GRID2: variants seen among roughly 807,000 people sequenced by gnomAD.
GRID2 encodes the protein glutamate receptor ionotropic, delta-2.
Under a neutral mutation model 114.8 loss-of-function variants are expected in GRID2, and 33 were observed. The observed-to-expected ratio is 0.29, with a 90% CI of 0.22 to 0.38. GRID2 has a LOEUF of 0.38. Ranked by LOEUF, GRID2 falls within the 10% of genes least tolerant of loss-of-function variation. The pLI is 1.00. For missense variants in GRID2, 1,184 were observed against 1,257.7 expected, an observed-to-expected ratio of 0.94 and a Z score of 0.89; for synonymous variants, 505 against 449.9, an observed-to-expected ratio of 1.12 and a Z score of -1.55.
At chr4:92,982,022 T>TAAAAAAAA (rs1161216679) in intron 2 of GRID2, among the ~76,000 whole-genome samples, 8 of 80,188 alleles carry the variant, frequency 1.0e-4, no homozygotes, top group East Asian at 3.3e-4. Context: ...AAAGTACTGG[T>TAAAAAAAA]AAAAAAAAAA....
At chr4:92,715,070 A>G (rs1306853365) in intron 2 of GRID2, among the ~76,000 whole-genome samples, 1 of 152,130 alleles carries the variant, frequency 6.6e-6, no homozygotes, top group East Asian at 1.9e-4. Flanking sequence ...CCCTTATGAC[A>G]TTGAATGCCT....
intron 10 of GRID2, among the ~76,000 whole-genome samples, chr4:93,448,438 T>C (rs1722298730): frequency 1.3e-5 from 2 of 151,914 alleles, no homozygotes; most frequent in South Asian, 4.1e-4. Context: ...AGATACATTT[T>C]TGGGATATGG....
At chr4:92,917,134 G>C (rs1748874542) in intron 2 of GRID2, among the ~76,000 whole-genome samples, 2 of 152,162 alleles carry the variant, frequency 1.3e-5, no homozygotes, top group South Asian at 4.1e-4. Flanking sequence ...TTTTTCATGT[G>C]TCTTTTGGCG....
chr4:92,883,704 G>A (rs950363942), intron 2 of GRID2, among the ~76,000 whole-genome samples: 10 of 152,196 alleles, frequency 6.6e-5, no homozygotes, highest in South Asian at 4.1e-4. Context: ...GTGACCAGGC[G>A]CATTGTCAAT....
rs574164647 is a variant in GRID2 at position 92,311,185 on chromosome 4, A to G, written c.88+6441A>G. 2.6e-5 allele frequency among the ~76,000 whole-genome samples: 4 copies of G among 152,208 alleles called. No individual in the cohort carries two copies. In the East Asian group the frequency reaches 5.8e-4, roughly 22 times the overall value. ...ATGTATCAACTATCATTGTGTATGT[A>G]CACTTGCCTTTAGAATTTGCAAACT... is the stretch of plus-strand genomic sequence containing the variant. On this transcript the variant is annotated intron_variant, in intron 1 of 15. Coordinates refer to ENST00000282020, the MANE Select transcript of GRID2 (RefSeq NM_001510.4).
chr4:93,224,129 TACAC>T (rs1745206272), intron 6 of GRID2, among the ~76,000 whole-genome samples: 1 of 152,142 alleles, frequency 6.6e-6, no homozygotes, highest in Non-Finnish European at 1.5e-5. Flanking sequence ...TACACAAAAA[TACAC>T]ACAGTAGACT....
intron 2 of GRID2, among the ~76,000 whole-genome samples, chr4:92,895,405 A>ATATATATATATAT (rs1560677408): frequency 9.6e-5 from 14 of 146,034 alleles, no homozygotes; most frequent in South Asian, 2.1e-4. Flanking sequence ...ATATATATAT[A>ATATATATATATAT]AACTGAAAGA....
intron 2 of GRID2, among the ~76,000 whole-genome samples, chr4:92,892,670 G>A (rs937912367): frequency 1.3e-5 from 2 of 152,058 alleles, no homozygotes; most frequent in African/African-American, 4.8e-5. Flanking sequence ...TGAGATTGGA[G>A]AAATTAATAA....
intron 2 of GRID2, among the ~76,000 whole-genome samples, chr4:92,609,433 A>G (rs895309501): frequency 1.3e-5 from 2 of 151,040 alleles, no homozygotes; most frequent in African/African-American, 4.8e-5. Flanking sequence ...AAGAGTTAGT[A>G]TTAAAAAAAA....
In GRID2 at chr4:92,304,419, C is replaced by A; in HGVS notation, c.-238C>A. The A allele has an allele frequency of 1.7e-6, 1 of 577,274 alleles. No individual in the cohort carries two copies. The highest frequency in any genetic ancestry group is 3.1e-6 in the Non-Finnish European group (1 of 327,202). The allele number at this position is 577,274 out of a possible 1,614,324, so 35.8% of individuals were successfully genotyped here. A position where few individuals can be genotyped will look rare whatever the true frequency, so the allele number is the denominator to read the frequency against. On this transcript the variant is annotated 5_prime_UTR_variant, in exon 1 of 16. Transcript: ENST00000282020. Reference sequence around the variant, plus strand: ...CAAACTGCAAACAACTCTGGCGATGCCAAAATTCCCCTCCAAGTGACACGG... The same window carrying A: ...CAAACTGCAAACAACTCTGGCGATGACAAAATTCCCCTCCAAGTGACACGG...
intron 1 of GRID2, among the ~76,000 whole-genome samples, chr4:92,468,021 G>A (rs1176264762): frequency 2.0e-5 from 3 of 151,380 alleles, no homozygotes; most frequent in Non-Finnish European, 4.4e-5. Context: ...AATACTATGT[G>A]TATATGAAAG....
intron 11 of GRID2, among the ~76,000 whole-genome samples, chr4:93,475,627 G>C (rs746959532): frequency 6.4e-4 from 97 of 152,094 alleles, no homozygotes; most frequent in Non-Finnish European, 1.1e-3. Context: ...TATGCATAAG[G>C]CCTAGTTTAG....
At chr4:93,101,850 T>G (rs1731737126) in intron 3 of GRID2, among the ~76,000 whole-genome samples, 1 of 152,232 alleles carries the variant, frequency 6.6e-6, no homozygotes, top group African/African-American at 2.4e-5. Flanking sequence ...AGACATCAAC[T>G]TTTAGTTCCT....
chr4:93,022,728 T>G (rs1317127277), intron 2 of GRID2, among the ~76,000 whole-genome samples: 2 of 151,974 alleles, frequency 1.3e-5, no homozygotes, highest in African/African-American at 4.8e-5. Flanking sequence ...ATCTATTTAG[T>G]CATTTATTTC....
rs369279742 is a variant in GRID2 at position 93,206,343 on chromosome 4, C to T, written c.736-1061C>T. Among the ~76,000 whole-genome samples the T allele has an allele frequency of 1.1e-4, 17 of 151,822 alleles. No individual in the cohort carries two copies. The East Asian group carries it at 3.3e-3, about 29-fold the overall frequency. On this transcript the variant is annotated intron_variant, in intron 4 of 15. Coordinates refer to ENST00000282020, the MANE Select transcript of GRID2 (RefSeq NM_001510.4). ...AATGCACCTCTTAGCAGGTGTTTCT[C>T]GGTAGAACAAAGAATAGCCAACAAA... is the stretch of plus-strand genomic sequence containing the variant.
chr4:92,557,865 G>A (rs1726932358), intron 1 of GRID2, among the ~76,000 whole-genome samples: 1 of 152,006 alleles, frequency 6.6e-6, no homozygotes. Flanking sequence ...GTACACGCAT[G>A]CTTACTACAC....
chr4:93,649,446 T>C (rs1297555194), intron 14 of GRID2, among the ~76,000 whole-genome samples: 3 of 152,212 alleles, frequency 2.0e-5, no homozygotes, highest in African/African-American at 7.2e-5. Context: ...TTGCCTTTTA[T>C]AGTCATTAAA....
intron 2 of GRID2, among the ~76,000 whole-genome samples, chr4:92,976,916 A>T (rs1401660565): frequency 1.3e-5 from 2 of 152,160 alleles, no homozygotes; most frequent in Non-Finnish European, 2.9e-5. Context: ...CCATGTTACG[A>T]CACTTACTTT....
intron 2 of GRID2, among the ~76,000 whole-genome samples, chr4:92,878,997 T>G (rs565951525): frequency 6.6e-6 from 1 of 152,280 alleles, no homozygotes; most frequent in South Asian, 2.1e-4. Context: ...TCATTTTAAA[T>G]TAATTACTCT....
Sources: gnomAD v4.1 joint callset for allele counts (sites outside exome capture counted in the v4.1 genomes callset) on GRCh38, gnomAD v4.1.1 for gene constraint, MANE v1.5 for transcripts, NCBI Gene and HGNC (gene_info 2026-07-23, HGNC 2026-07-21) for gene names.